TPP2: variants seen among roughly 807,000 people sequenced by gnomAD.
TPP2 encodes the protein tripeptidyl peptidase 2.
Under a neutral mutation model 155.9 loss-of-function variants are expected in TPP2, and 34 were observed. The ratio of observed to expected loss-of-function variants is 0.22; its 90% CI spans 0.17 to 0.29. The LOEUF is 0.29. Among genes scored for constraint, TPP2 ranks in the 10% least tolerant of loss-of-function variants. The pLI, the probability that TPP2 is intolerant of heterozygous loss-of-function variation, is 1.00. For missense variants in TPP2, 1,028 were observed against 1,522.3 expected (o/e 0.68, Z 5.40); for synonymous variants, 510 against 529.4 (o/e 0.96, Z 0.50).
chr13:102,612,465 T>G (rs983326288), intron 2 of TPP2, among the ~76,000 whole-genome samples: 2 of 152,250 alleles, frequency 1.3e-5, no homozygotes, highest in East Asian at 3.8e-4. Flanking sequence ...ATTAGAACCA[T>G]TTTTAAGATA....
chr13:102,669,661 G>T lies in TPP2; in HGVS notation c.3372-4622G>T, dbSNP rs527359756. Among the ~76,000 whole-genome samples the T allele has an allele frequency of 1.6e-3, 240 of 152,202 alleles. 1 individual carries two copies. Among genetic ancestry groups the T allele is most frequent in the African/African-American group, 5.7e-3 (235 of 41,524 alleles). Reference sequence around the variant, plus strand: ...ACATGCGTGTGAGCTGGCAATTTGGGCATTGCAGGATAATTTGTTTAGTCT... The same window carrying T: ...ACATGCGTGTGAGCTGGCAATTTGGTCATTGCAGGATAATTTGTTTAGTCT... On this transcript the variant is annotated intron_variant, in intron 27 of 29. Coordinates refer to ENST00000376052, the MANE Select transcript of TPP2 (RefSeq NM_001330588.2).
intron 17 of TPP2, 112 bp from the exon 18 acceptor site, chr13:102,644,445 C>G (rs1368550025): frequency 1.1e-6 from 1 of 903,198 alleles, no homozygotes; most frequent in South Asian, 2.0e-5. Context: ...AGTTTTCTTG[C>G]TACAAACAGG....
chr13:102,614,085 CTT>C lies in TPP2; in HGVS notation c.295-8_295-7del, dbSNP rs544736600. The C allele has an allele frequency of 3.2e-6, 5 of 1,547,442 alleles. No individual in the cohort carries two copies. Among genetic ancestry groups the C allele is most frequent in the Middle Eastern group, 1.7e-4 (1 of 5,866 alleles). ...GCATTTAGTGAATGAACAGGTTACT[CTT>C]TTTTTTTCTGTAGATTCCTGCAAGC... On this transcript the variant is annotated splice_polypyrimidine_tract_variant and intron_variant, in intron 2 of 29. Transcript: ENST00000376052.
chr13:102,668,993 A>G (rs1330199214), intron 27 of TPP2, among the ~76,000 whole-genome samples: 1 of 152,098 alleles, frequency 6.6e-6, no homozygotes, highest in Non-Finnish European at 1.5e-5. Flanking sequence ...GTATGGTTTG[A>G]TGCCTCGTGC....
In TPP2 at chr13:102,627,857, G is replaced by T. The variant is rs1566337078; in HGVS notation, c.949G>T (p.Val317Phe). The part of the protein sequence containing the change: ...GTGLIRAMIE[V>F]INHKCDLVNY... ...TTAATCTCTTTAATAGATGATAGAA[G>T]TTATAAATCATAAGTGTGATCTTGT... Residue 317 changes from valine to phenylalanine, a missense_variant, in exon 8 of 30, where the codon GTT (valine) becomes TTT (phenylalanine). Around this residue, in one of 7 missense-constraint regions of TPP2, gnomAD observed 300 missense variants for 398.3 expected, o/e 0.75. Transcript: ENST00000376052. 3.7e-6 allele frequency: 6 copies of T among 1,612,764 alleles called. No homozygotes were observed. Among genetic ancestry groups the T allele is most frequent in the Non-Finnish European group, 5.1e-6 (6 of 1,179,310 alleles).
chr13:102,664,897 C>G lies in TPP2; in HGVS notation c.3343C>G (p.Pro1115Ala). The G allele has an allele frequency of 6.2e-7, 1 of 1,613,238 alleles. No homozygotes were observed. ...LAVYIAMKTD[P>A]RPDAATIKND... Reference sequence around the variant, plus strand: ...AGTTTATATTGCAATGAAGACTGATCCCAGGCCTGATGCAGCTACTATAAA... The same window carrying G: ...AGTTTATATTGCAATGAAGACTGATGCCAGGCCTGATGCAGCTACTATAAA... Residue 1115 changes from proline (P) to alanine (A), a missense_variant, in exon 27 of 30, where the codon CCC becomes GCC. Pro to Ala is a conservative substitution (Grantham distance 27). Coordinates refer to ENST00000376052, the MANE Select transcript of TPP2 (RefSeq NM_001330588.2).
chr13:102,676,320 G>T lies in TPP2; in HGVS notation c.3604G>T (p.Ala1202Ser). 1 of 1,604,808 alleles carries T rather than the reference G, an allele frequency of 6.2e-7. No individual in the cohort carries two copies. Among genetic ancestry groups the T allele is most frequent in the Non-Finnish European group, 8.5e-7 (1 of 1,173,372 alleles). ...GGTTTTGACATTTGCATATAAACAT[G>T]CATTAGTAAATAAAATGTATGGGAG... The part of the protein sequence containing the change: ...NKVLTFAYKH[A>S]LVNKMYGRGL... The change falls in exon 29 of 30, where the codon GCA (alanine) becomes TCA (serine). Residue 1202 changes from alanine (A) to serine (S), a missense_variant. Ala to Ser is a moderately conservative substitution (Grantham distance 99). This residue lies in a region of TPP2 where 41 missense variants were observed against 78.3 expected (regional missense o/e 0.52). Transcript: ENST00000376052.
rs981078127 is a variant in TPP2 at position 102,664,700 on chromosome 13, A to T, written c.3241-95A>T. The T allele has an allele frequency of 8.9e-6, 11 of 1,235,318 alleles. No individual in the cohort carries two copies. In the South Asian group the frequency reaches 1.2e-4, roughly 14 times the overall value. 76.5% of individuals were successfully genotyped at this position (1,235,318 alleles called of 1,614,324 possible). A position where few individuals can be genotyped will look rare whatever the true frequency, so the allele number is the denominator to read the frequency against. On this transcript the variant is annotated intron_variant, in intron 26 of 29. Transcript: ENST00000376052. ...CAATTACATAGTTTACTCACACTGC[A>T]GTTGTAGGTCTCATGGTTGAGACAG...
chr13:102,616,341 G>A, intron 3 of TPP2, 55 bp from the exon 4 acceptor site: 1 of 1,420,992 alleles, frequency 7.0e-7, no homozygotes, highest in Non-Finnish European at 9.8e-7. Flanking sequence ...TGCCTGTCTA[G>A]GTTTACCTGA....
chr13:102,676,734 G>A (rs183771298), intron 29 of TPP2, among the ~76,000 whole-genome samples: 14 of 152,280 alleles, frequency 9.2e-5, no homozygotes, highest in Middle Eastern at 6.8e-3. Context: ...CCTTTTAAAG[G>A]CATGTTGCCT....
chr13:102,626,773 G>T, intron 6 of TPP2: 1 of 301,518 alleles, frequency 3.3e-6, no homozygotes, highest in Non-Finnish European at 6.0e-6. Flanking sequence ...TTTGAAGGGG[G>T]GATTCTCCCT....
At chr13:102,671,308 T>A (rs1884967538) in intron 27 of TPP2, among the ~76,000 whole-genome samples, 1 of 152,184 alleles carries the variant, frequency 6.6e-6, no homozygotes, top group African/African-American at 2.4e-5. Flanking sequence ...TTTGCCAGAC[T>A]TTTTGGGAAT....
chr13:102,598,999 C>A (rs1305943669), intron 1 of TPP2, among the ~76,000 whole-genome samples: 1 of 152,158 alleles, frequency 6.6e-6, no homozygotes. Flanking sequence ...AGGTTTGTTA[C>A]ATGGGGGTAT....
chr13:102,634,206 A>C, intron 11 of TPP2, 108 bp downstream of exon 11: 1 of 1,454,642 alleles, frequency 6.9e-7, no homozygotes, highest in South Asian at 1.3e-5. Context: ...CTGGGCACAA[A>C]GTAGAGTTTA....
At position 102,635,711 on chromosome 13, in the gene TPP2, G is replaced by T. The variant is rs1314763048; in HGVS notation, c.1509+9G>T. The T allele has an allele frequency of 6.3e-7, 1 of 1,593,752 alleles. No individual in the cohort carries two copies. Among genetic ancestry groups the T allele is most frequent in the Non-Finnish European group, 8.6e-7 (1 of 1,164,546 alleles). ...GACATGGTATTATTCAGGTATTGTT[G>T]CCTATATGAAAAATGGGTTGTAAAG... On this transcript the variant is annotated intron_variant, in intron 12 of 29. Transcript: ENST00000376052.
intron 27 of TPP2, chr13:102,667,858 C>T (rs577914181): frequency 1.8e-5 from 18 of 980,360 alleles, no homozygotes; most frequent in East Asian, 2.3e-4. Context: ...GGCCGAGCGA[C>T]GGATGAAAGG....
chr13:102,670,353 C>T (rs549494474), intron 27 of TPP2, among the ~76,000 whole-genome samples: 9 of 152,248 alleles, frequency 5.9e-5, no homozygotes, highest in East Asian at 1.9e-4. Context: ...AAAGGACTTC[C>T]GATGACATCA....
chr13:102,607,293 G>C (rs928391487), intron 2 of TPP2, among the ~76,000 whole-genome samples: 2 of 152,180 alleles, frequency 1.3e-5, no homozygotes, highest in African/African-American at 4.8e-5. Context: ...TATACCAGTT[G>C]AGCCTCCCTA....
chr13:102,625,641 T>A (rs74112123), intron 6 of TPP2, among the ~76,000 whole-genome samples: 1,706 of 152,314 alleles, frequency 0.011, 38 homozygotes, highest in African/African-American at 0.038. Flanking sequence ...ATTAAACTTG[T>A]GCTCTCCCAA....
Sources: gnomAD v4.1 joint callset for allele counts (sites outside exome capture counted in the v4.1 genomes callset) on GRCh38, gnomAD v4.1.1 for gene constraint, gnomAD v4.1.1 regional missense constraint, MANE v1.5 for transcripts, NCBI Gene and HGNC (gene_info 2026-07-23, HGNC 2026-07-21) for gene names.